Variants in SEC13 observed in about 807,000 individuals in gnomAD.
SEC13 encodes SEC13 homolog, nuclear pore and COPII component, also known as protein SEC13 homolog.
A neutral mutation model predicts 49.2 loss-of-function variants in SEC13; 25 were observed. The observed-to-expected ratio is 0.51, with a 90% CI of 0.37 to 0.71. SEC13 has a LOEUF of 0.71. Ranked by LOEUF, SEC13 falls within the 30% of genes least tolerant of loss-of-function variation. The pLI, the probability that SEC13 is intolerant of heterozygous loss-of-function variation, is 0.00. For missense variants in SEC13, 383 were observed against 417.6 expected, an observed-to-expected ratio of 0.92 and a Z score of 0.72; for synonymous variants, 148 against 163.9, an observed-to-expected ratio of 0.90 and a Z score of 0.74.
chr3:10,308,894 G>A (rs963527886), intron 5 of SEC13, among the ~76,000 whole-genome samples: 3 of 143,022 alleles, frequency 2.1e-5, no homozygotes, highest in African/African-American at 7.8e-5. Context: ...ATCTCCCAAA[G>A]TGCTAGGATT....
intron 5 of SEC13, among the ~76,000 whole-genome samples, chr3:10,306,340 T>G (rs1700875339): frequency 6.6e-6 from 1 of 152,208 alleles, no homozygotes; most frequent in South Asian, 2.1e-4. Flanking sequence ...TCCTGAAAAC[T>G]GTCAGCTGGA....
chr3:10,320,962 G>A, intron 1 of SEC13, 88 bp downstream of exon 1: 1 of 1,585,780 alleles, frequency 6.3e-7, no homozygotes, highest in Non-Finnish European at 8.6e-7. Flanking sequence ...CTCCAGCTTG[G>A]GATTTGGGAC....
chr3:10,305,786 G>A, intron 5 of SEC13, 94 bp from the exon 6 acceptor site: 1 of 1,402,242 alleles, frequency 7.1e-7, no homozygotes. Flanking sequence ...CGCTTCTCAG[G>A]ACTGGAGTGT....
intron 1 of SEC13, chr3:10,320,805 A>C: frequency 2.3e-6 from 3 of 1,330,840 alleles, no homozygotes; most frequent in Non-Finnish European, 2.9e-6. Flanking sequence ...AAAAGAAGGA[A>C]GGGAGACTGG....
intron 5 of SEC13, among the ~76,000 whole-genome samples, chr3:10,308,111 C>T (rs979585794): frequency 5.9e-5 from 9 of 152,166 alleles, no homozygotes; most frequent in African/African-American, 2.2e-4. Context: ...AACTGCATAT[C>T]AAGTGCATGA....
intron 8 of SEC13, 121 bp downstream of exon 8, chr3:10,303,905 C>G (rs897375144): frequency 9.7e-7 from 1 of 1,036,182 alleles, no homozygotes. Context: ...ACTCAAAACG[C>G]AGTCCTGGCT....
intron 3 of SEC13, 195 bp downstream of exon 3, chr3:10,315,126 G>A: frequency 1.8e-6 from 1 of 552,872 alleles, no homozygotes; most frequent in Non-Finnish European, 3.3e-6. Context: ...GTATCCACCT[G>A]TGCCCTTAAC....
chr3:10,311,040 A>C (rs941934712), intron 5 of SEC13, among the ~76,000 whole-genome samples: 3 of 152,094 alleles, frequency 2.0e-5, no homozygotes, highest in Admixed American at 2.0e-4. Flanking sequence ...AAAAAAAAAA[A>C]AACAACTCCC....
chr3:10,310,541 A>T (rs1442106585), intron 5 of SEC13, among the ~76,000 whole-genome samples: 1 of 152,128 alleles, frequency 6.6e-6, no homozygotes, highest in Non-Finnish European at 1.5e-5. Context: ...ATACCACCTC[A>T]CATTCACTAG....
intron 5 of SEC13, among the ~76,000 whole-genome samples, chr3:10,308,791 A>AT (rs34572074): frequency 0.016 from 1,870 of 115,540 alleles, 22 homozygotes; most frequent in Middle Eastern, 0.025. Context: ...GCTGAGTTGA[A>AT]TTTTTTTTTT....
chr3:10,318,146 C>A (rs1361835337), intron 1 of SEC13, 52 bp from the exon 2 acceptor site: 11 of 1,247,026 alleles, frequency 8.8e-6, no homozygotes, highest in Non-Finnish European at 1.3e-5. Context: ...TAGAATACAA[C>A]CATCTCAAGT....
chr3:10,306,165 T>C (rs1422361723), intron 5 of SEC13, among the ~76,000 whole-genome samples: 4 of 152,184 alleles, frequency 2.6e-5, no homozygotes, highest in East Asian at 1.9e-4. Context: ...CTAGATACTA[T>C]AGTTTAGTCT....
At chr3:10,312,498 G>A (rs1701337762) in intron 4 of SEC13, 81 bp downstream of exon 4, 2 of 1,505,396 alleles carry the variant, frequency 1.3e-6, no homozygotes, top group East Asian at 2.3e-5. Flanking sequence ...ACGAGGGGCA[G>A]GGAGCCAGGG....
At chr3:10,318,440 T>C (rs1048435198) in intron 1 of SEC13, among the ~76,000 whole-genome samples, 1 of 151,110 alleles carries the variant, frequency 6.6e-6, no homozygotes, top group Admixed American at 6.6e-5. Context: ...CAGGGGAAAA[T>C]ACCAGTCCAA....
Position 10,304,168 on chromosome 3 carries a change from C to G in SEC13, c.713G>C (p.Gly238Ala), listed in dbSNP as rs1700718136. The change falls in exon 8 of 9, where the codon GGT (glycine) becomes GCT (alanine). Residue 238 changes from glycine to alanine, a missense_variant. Coordinates refer to ENST00000350697, the MANE Select transcript of SEC13 (RefSeq NM_183352.3). ...ATCACAGGTCCAAATGAACACACGA[C>G]CATCCTAGGAAGAAACAGGATAGAG... ...TSTIASCSQD[G>A]RVFIWTCDDA... The G allele has an allele frequency of 1.9e-6, 3 of 1,613,954 alleles. No homozygotes were observed. The highest frequency in any genetic ancestry group is 2.5e-6 in the Non-Finnish European group (3 of 1,179,928).
At chr3:10,311,932 T>A (rs753847384) in intron 5 of SEC13, 33 bp downstream of exon 5, 1 of 1,614,062 alleles carries the variant, frequency 6.2e-7, no homozygotes, top group Non-Finnish European at 8.5e-7. Flanking sequence ...AGGCAGGCGC[T>A]CTCACTGCAC....
At chr3:10,317,037 A>T (rs560100790) in intron 2 of SEC13, among the ~76,000 whole-genome samples, 2 of 151,598 alleles carry the variant, frequency 1.3e-5, no homozygotes, top group South Asian at 4.2e-4. Flanking sequence ...AGTACTTAGC[A>T]TGGGGCCTGA....
At chr3:10,308,379 T>TTTTG (rs1253797376) in intron 5 of SEC13, among the ~76,000 whole-genome samples, 3 of 152,232 alleles carry the variant, frequency 2.0e-5, no homozygotes, top group African/African-American at 7.2e-5. Flanking sequence ...CTTCATCTTA[T>TTTTG]TTTGTTAAGT....
At position 10,312,516 on chromosome 3, in the gene SEC13, C is replaced by A; in HGVS notation, c.316+63G>T. The A allele has an allele frequency of 3.8e-6, 6 of 1,579,356 alleles. No individual in the cohort carries two copies. In the South Asian group the frequency reaches 5.8e-5, roughly 15 times the overall value. On this transcript the variant is annotated intron_variant, in intron 4 of 8. Coordinates refer to ENST00000350697, the MANE Select transcript of SEC13 (RefSeq NM_183352.3). ...AGGGGCAGGGAGCCAGGGCTCCAGC[C>A]GGGACAGAGTCCTTTTTTACCCAGT...
Sources: gnomAD v4.1 joint callset for allele counts (sites outside exome capture counted in the v4.1 genomes callset) on GRCh38, gnomAD v4.1.1 for gene constraint, MANE v1.5 for transcripts, NCBI Gene and HGNC (gene_info 2026-07-23, HGNC 2026-07-21) for gene names.